CALCOCO2: variants seen among roughly 807,000 people sequenced by gnomAD.
CALCOCO2 encodes the protein calcium binding and coiled-coil domain 2, also known as calcium-binding and coiled-coil domain-containing protein 2.
In CALCOCO2, 42 loss-of-function variants were observed where a neutral mutation model predicts 62.5. The ratio of observed to expected loss-of-function variants is 0.67; its 90% confidence interval spans 0.53 to 0.87. The LOEUF (loss-of-function observed/expected upper bound fraction) is 0.87. Ranked by LOEUF, CALCOCO2 falls within the 40% of genes least tolerant of loss-of-function variation. The pLI is 0.00. For missense variants in CALCOCO2, 456 were observed against 515.0 expected (o/e 0.89, Z 1.11); for synonymous variants, 167 against 173.0 (o/e 0.97, Z 0.27).
intron 1 of CALCOCO2, among the ~76,000 whole-genome samples, chr17:48,840,229 A>G (rs759382847): frequency 2.6e-5 from 4 of 152,094 alleles, no homozygotes; most frequent in Non-Finnish European, 2.9e-5. Context: ...TCCCAGGCTC[A>G]AGCCATCTTC....
chr17:48,836,515 A>G (rs550722427), intron 1 of CALCOCO2, among the ~76,000 whole-genome samples: 4 of 152,222 alleles, frequency 2.6e-5, no homozygotes, highest in Non-Finnish European at 5.9e-5. Context: ...TAGTTCATTT[A>G]TCCAACAAAT....
At chr17:48,846,149 T>G in intron 2 of CALCOCO2, 1 of 916,548 alleles carries the variant, frequency 1.1e-6, no homozygotes, top group Non-Finnish European at 1.6e-6. Flanking sequence ...AAATTTATTT[T>G]ATTTTGAGAC....
intron 1 of CALCOCO2, among the ~76,000 whole-genome samples, chr17:48,838,338 G>A (rs1263195443): frequency 6.6e-6 from 1 of 152,086 alleles, no homozygotes; most frequent in Non-Finnish European, 1.5e-5. Context: ...CCCAGGGTGT[G>A]GCGCCGGGCT....
Position 48,852,930 on chromosome 17 carries a change from A to G in CALCOCO2, c.830A>G (p.Lys277Arg). The change falls in exon 9 of 13, where the codon AAG becomes AGG. Residue 277 changes from lysine to arginine, a missense_variant. Coordinates refer to ENST00000258947, the MANE Select transcript of CALCOCO2 (RefSeq NM_005831.5). ...CTGAAATCTCTTTTTGTGCAGAGGA[A>G]GGACCAGAAGAAGCTCGAGCAGACA... is the stretch of plus-strand genomic sequence containing the variant. ...HLFLSLTEQR[K>R]DQKKLEQTVE... The G allele has an allele frequency of 3.1e-6, 5 of 1,611,662 alleles. No individual in the cohort carries two copies. Among genetic ancestry groups the G allele is most frequent in the Non-Finnish European group, 4.2e-6 (5 of 1,177,756 alleles).
At chr17:48,844,405 G>A (rs1042127021) in intron 2 of CALCOCO2, among the ~76,000 whole-genome samples, 7 of 151,608 alleles carry the variant, frequency 4.6e-5, no homozygotes, top group African/African-American at 9.7e-5. Flanking sequence ...TCCCCCAAGC[G>A]CTTAGCAACC....
In CALCOCO2 at chr17:48,851,180, G is replaced by A. The variant is rs781165899; in HGVS notation, c.632+3G>A. The A allele has an allele frequency of 1.3e-6, 2 of 1,557,334 alleles. No individual in the cohort carries two copies. The highest frequency in any genetic ancestry group is 2.2e-5 in the South Asian group (2 of 89,858). On this transcript the variant is annotated splice_donor_region_variant and intron_variant, in intron 6 of 12. Transcript: ENST00000258947. ...TATTGGGAGACAGAGCTGCTTCAGT[G>A]AGTGCATCCCATAATTCTGGGAGGG...
intron 2 of CALCOCO2, among the ~76,000 whole-genome samples, chr17:48,845,728 C>CAAAAAA (rs534937285): frequency 9.3e-6 from 1 of 107,890 alleles, no homozygotes; most frequent in Non-Finnish European, 1.8e-5. Context: ...GACTCCATCT[C>CAAAAAA]AAAAAAAAAA....
At position 48,860,120 on chromosome 17, in the gene CALCOCO2, T is replaced by C. The variant is rs149931226; in HGVS notation, c.1009-194T>C. 2.4e-4 allele frequency among the ~76,000 whole-genome samples: 36 copies of C among 152,228 alleles called. 2 individuals carry two copies. In the East Asian group the frequency reaches 7.0e-3, roughly 29 times the overall value. On this transcript the variant is annotated intron_variant, in intron 10 of 12. Coordinates refer to ENST00000258947, the MANE Select transcript of CALCOCO2 (RefSeq NM_005831.5). ...AAATAAATAAATAAATAAATTCAGG[T>C]ATAAAGAACTTAGATCTTTGGAATA...
At chr17:48,855,863 C>CA (rs11463396) in intron 9 of CALCOCO2, 19,611 of 167,616 alleles carry the variant, frequency 0.12, 1,438 homozygotes, top group African/African-American at 0.28. Flanking sequence ...TCAGCTAAAC[C>CA]AAAAAAAAAA....
At chr17:48,846,566 C>T (rs1340537747) in intron 2 of CALCOCO2, 58 of 789,846 alleles carry the variant, frequency 7.3e-5, no homozygotes, top group Non-Finnish European at 1.7e-5. Flanking sequence ...CTTAGGCCTT[C>T]CCAATGATAT....
intron 1 of CALCOCO2, among the ~76,000 whole-genome samples, chr17:48,839,670 C>CTTTGCTTT (rs2039949383): frequency 1.5e-5 from 1 of 66,172 alleles, no homozygotes; most frequent in Non-Finnish European, 2.7e-5. Context: ...CTTTGCTTTG[C>CTTTGCTTT]TTTTTTTTTT....
At chr17:48,856,570 C>T (rs1399920639) in intron 10 of CALCOCO2, 2 of 456,544 alleles carry the variant, frequency 4.4e-6, no homozygotes. Context: ...TTCTCTGCTG[C>T]CAAACCAGGA....
At chr17:48,837,835 C>A (rs1471192777) in intron 1 of CALCOCO2, among the ~76,000 whole-genome samples, 5 of 152,068 alleles carry the variant, frequency 3.3e-5, no homozygotes, top group South Asian at 2.1e-4. Context: ...GAAGAGCAGG[C>A]CTGGTTGCTT....
intron 1 of CALCOCO2, among the ~76,000 whole-genome samples, chr17:48,833,546 CAAA>C (rs10583747): frequency 1.1e-3 from 147 of 128,468 alleles, no homozygotes; most frequent in Admixed American, 1.4e-3. Context: ...GACTCTGTCT[CAAA>C]AAAAAAAAAA....
At position 48,864,030 on chromosome 17, in the gene CALCOCO2, A is replaced by C. The variant is rs921838268; in HGVS notation, c.*1025A>C. The C allele has an allele frequency of 2.0e-5, 3 of 148,622 alleles. No homozygotes were observed. The highest frequency in any genetic ancestry group is 3.0e-5 in the Non-Finnish European group (2 of 67,200). 9.2% of individuals were successfully genotyped at this position (148,622 alleles called of 1,614,324 possible). The stretch of plus-strand genomic sequence containing the variant: ...GTGGGGAAGGAGGTGATGAAACATT[A>C]GTTTGTGAAATCCAAGGCCCTGGCT... On this transcript the variant is annotated 3_prime_UTR_variant, in exon 13 of 13. Coordinates refer to ENST00000258947, the MANE Select transcript of CALCOCO2 (RefSeq NM_005831.5).
At chr17:48,856,560 T>C (rs2040217545) in intron 10 of CALCOCO2, 1 of 456,920 alleles carries the variant, frequency 2.2e-6, no homozygotes, top group African/African-American at 2.0e-5. Context: ...TTTTTCCTTT[T>C]TCTCTGCTGC....
intron 10 of CALCOCO2, among the ~76,000 whole-genome samples, chr17:48,860,021 G>C (rs773675772): frequency 1.3e-5 from 2 of 152,180 alleles, no homozygotes; most frequent in African/African-American, 2.4e-5. Flanking sequence ...TTGAACCTGG[G>C]AGACGGAGGT....
rs59318856 is a variant in CALCOCO2 at position 48,857,497 on chromosome 17, C to CTTTTTTTTTTTTTTTTTTTT, written c.1008+1314_1008+1333dup. Among the ~76,000 whole-genome samples, 80 of 38,438 alleles carry CTTTTTTTTTTTTTTTTTTTT rather than the reference C, an allele frequency of 2.1e-3. 19 individuals are homozygous for CTTTTTTTTTTTTTTTTTTTT. Among genetic ancestry groups the CTTTTTTTTTTTTTTTTTTTT allele is most frequent in the Middle Eastern group, 0.029 (1 of 34 alleles). 25.2% of individuals were successfully genotyped at this position (38,438 alleles called of 152,430 possible). On this transcript the variant is annotated intron_variant, in intron 10 of 12. Coordinates refer to ENST00000258947, the MANE Select transcript of CALCOCO2 (RefSeq NM_005831.5). ...CAGGCGTGAGCCACTGCACCCGGCC[C>CTTTTTTTTTTTTTTTTTTTT]TTTTTTTTTTTTTTTTTTTTTTTGA...
Position 48,860,369 on chromosome 17 carries a change from C to A in CALCOCO2, c.1064C>A (p.Ser355Tyr), listed in dbSNP as rs778991486. 1.9e-6 allele frequency: 3 copies of A among 1,613,372 alleles called. No individual in the cohort carries two copies. Among genetic ancestry groups the A allele is most frequent in the South Asian group, 1.1e-5 (1 of 91,050 alleles). ...LLSYMGLDFN[S>Y]LPYQVPTSDE... The stretch of plus-strand genomic sequence containing the variant: ...AGTTACATGGGTCTGGATTTTAATT[C>A]TTTGCCGTATCAAGTACCTACTTCA... Residue 355 changes from serine (S) to tyrosine (Y), a missense_variant, in exon 11 of 13, where the codon TCT (serine) becomes TAT (tyrosine). Ser to Tyr is a moderately radical substitution (Grantham distance 144, BLOSUM62 -2). Transcript: ENST00000258947.
Sources: gnomAD v4.1 joint callset for allele counts (sites outside exome capture counted in the v4.1 genomes callset) on GRCh38, gnomAD v4.1.1 for gene constraint, MANE v1.5 for transcripts, NCBI Gene and HGNC (gene_info 2026-07-23, HGNC 2026-07-21) for gene names.